The following WWOX variants were observed in gnomAD, a reference collection of about 807,000 sequenced individuals.
WWOX encodes WW domain-containing oxidoreductase.
A neutral mutation model predicts 46.2 loss-of-function variants in WWOX; 69 were observed. The observed-to-expected ratio is 1.49, with a 90% CI of 1.23 to 1.82. The LOEUF is 1.82. WWOX is among the 40% of genes most tolerant of loss of function. The probability of loss-of-function intolerance (pLI) is 0.00; values close to 1 mark genes in which losing one functional copy is unlikely to be tolerated. For synonymous variants in WWOX, 359 were observed against 202.6 expected, an observed-to-expected ratio of 1.77 and a Z score of -6.56; for missense variants, 919 against 542.6, an observed-to-expected ratio of 1.69 and a Z score of -6.89.
intron 8 of WWOX, among the ~76,000 whole-genome samples, chr16:78,452,635 C>T (rs895813673): frequency 2.6e-5 from 4 of 151,646 alleles, no homozygotes; most frequent in African/African-American, 9.7e-5. Flanking sequence ...ACTACCACAC[C>T]TGGCTAATTA....
At chr16:78,760,787 C>G (rs144540687) in intron 8 of WWOX, among the ~76,000 whole-genome samples, 235 of 152,270 alleles carry the variant, frequency 1.5e-3, no homozygotes, top group African/African-American at 5.4e-3. Context: ...TGTTTTCACT[C>G]TGCTGATAAA....
At chr16:78,853,014 C>T (rs541999561) in intron 8 of WWOX, among the ~76,000 whole-genome samples, 7 of 152,234 alleles carry the variant, frequency 4.6e-5, no homozygotes, top group East Asian at 3.9e-4. Context: ...CGGGGTCATA[C>T]AGATAATTAG....
In WWOX at chr16:78,615,899, C is replaced by T. The variant is rs528021525; in HGVS notation, c.1056+183147C>T. 1.8e-4 allele frequency among the ~76,000 whole-genome samples: 27 copies of T among 152,018 alleles called. No homozygotes were observed. The South Asian group carries it at 2.7e-3, about 15-fold the overall frequency. ...CCGAGTAGTTGGGACTACAGGCGCC[C>T]GCCACCACACTCAGCTAATTTTTTG... On this transcript the variant is annotated intron_variant, in intron 8 of 8. Transcript: ENST00000566780.
intron 8 of WWOX, among the ~76,000 whole-genome samples, chr16:78,929,871 CAGT>C (rs2045580668): frequency 6.6e-6 from 1 of 152,080 alleles, no homozygotes; most frequent in Admixed American, 6.6e-5. Context: ...CCTTTTTACC[CAGT>C]ATCTAGCCCA....
At chr16:78,693,553 A>G (rs896574873) in intron 8 of WWOX, among the ~76,000 whole-genome samples, 3 of 152,246 alleles carry the variant, frequency 2.0e-5, no homozygotes, top group Non-Finnish European at 4.4e-5. Context: ...AAATAGTCAT[A>G]GAGTAGTATT....
At chr16:79,141,402 A>G (rs1341257915) in intron 8 of WWOX, among the ~76,000 whole-genome samples, 1 of 152,188 alleles carries the variant, frequency 6.6e-6, no homozygotes, top group Non-Finnish European at 1.5e-5. Context: ...AGGCTGTGTC[A>G]CAGGTGCACA....
At chr16:78,797,765 A>T (rs546418752) in intron 8 of WWOX, among the ~76,000 whole-genome samples, 4 of 152,284 alleles carry the variant, frequency 2.6e-5, no homozygotes, top group African/African-American at 7.2e-5. Flanking sequence ...AGGCAGGAGG[A>T]TCTCTTGAGG....
chr16:79,183,934 C>G (rs2050962887), intron 8 of WWOX, among the ~76,000 whole-genome samples: 1 of 152,208 alleles, frequency 6.6e-6, no homozygotes, highest in South Asian at 2.1e-4. Context: ...TCAGATGACT[C>G]CAGAAGAAAA....
Position 78,255,500 on chromosome 16 carries a change from C to T in WWOX, c.516+91211C>T, listed in dbSNP as rs2038103907. ...GAAGTCATAGCAAAGAGAGAGGTAG[C>T]TGCAAAAGCTAATTTATCCAAAAGA... On this transcript the variant is annotated intron_variant, in intron 5 of 8. Coordinates refer to ENST00000566780, the MANE Select transcript of WWOX (RefSeq NM_016373.4). Among the ~76,000 whole-genome samples, 3 of 152,290 alleles carry T rather than the reference C, an allele frequency of 2.0e-5. No homozygotes were observed. The Middle Eastern group carries it at 0.01, about 518-fold the overall frequency.
At chr16:78,188,887 C>T (rs566862308) in intron 5 of WWOX, among the ~76,000 whole-genome samples, 15 of 152,120 alleles carry the variant, frequency 9.9e-5, no homozygotes, top group African/African-American at 3.1e-4. Flanking sequence ...ATTTGACTAA[C>T]AGAAAAGATT....
chr16:78,108,284 T>C, intron 1 of WWOX, 139 bp from the exon 2 acceptor site: 1 of 826,900 alleles, frequency 1.2e-6, no homozygotes. Flanking sequence ...GTAGCTGGGG[T>C]CACAGTCCTC....
intron 8 of WWOX, among the ~76,000 whole-genome samples, chr16:78,659,639 A>G (rs1242603934): frequency 6.6e-6 from 1 of 152,228 alleles, no homozygotes; most frequent in Non-Finnish European, 1.5e-5. Flanking sequence ...CTCTGCCTCC[A>G]TCGGAGCGAG....
intron 8 of WWOX, among the ~76,000 whole-genome samples, chr16:78,538,425 T>A (rs566837607): frequency 5.6e-4 from 86 of 152,288 alleles, no homozygotes; most frequent in South Asian, 2.7e-3. Context: ...AGTTGAGGCC[T>A]GGTGTATGCA....
At chr16:79,177,988 G>T (rs894710583) in intron 8 of WWOX, among the ~76,000 whole-genome samples, 20 of 152,148 alleles carry the variant, frequency 1.3e-4, no homozygotes, top group African/African-American at 9.7e-5. Flanking sequence ...GCTCATAGAT[G>T]ATGACTTCTT....
In WWOX at chr16:78,283,417, C is replaced by T. The variant is rs965405424; in HGVS notation, c.517-103443C>T. Reference sequence around the variant, plus strand: ...TTTCCACTCTGTGACCTATTTACTTCGATGGAGTCATTTTCAAATAACTTT... The same window carrying T: ...TTTCCACTCTGTGACCTATTTACTTTGATGGAGTCATTTTCAAATAACTTT... On this transcript the variant is annotated intron_variant, in intron 5 of 8. Coordinates refer to ENST00000566780, the MANE Select transcript of WWOX (RefSeq NM_016373.4). 3.3e-5 allele frequency among the ~76,000 whole-genome samples: 5 copies of T among 152,236 alleles called. No individual in the cohort carries two copies. The East Asian group carries it at 7.7e-4, about 24-fold the overall frequency.
intron 8 of WWOX, chr16:78,825,426 T>C: frequency 3.0e-6 from 1 of 331,286 alleles, no homozygotes; most frequent in Non-Finnish European, 6.1e-6. Flanking sequence ...CAGTAACAAA[T>C]ATCTTAGCCA....
At chr16:78,266,479 C>T (rs1207211253) in intron 5 of WWOX, among the ~76,000 whole-genome samples, 1 of 152,180 alleles carries the variant, frequency 6.6e-6, no homozygotes, top group Admixed American at 6.5e-5. Context: ...CTACTATCAT[C>T]TCCACGTCTG....
chr16:78,795,876 CT>C (rs1334103451), intron 8 of WWOX, among the ~76,000 whole-genome samples: 1 of 151,960 alleles, frequency 6.6e-6, no homozygotes, highest in African/African-American at 2.4e-5. Context: ...TAGATGTTGG[CT>C]TTTATTACTG....
intron 5 of WWOX, among the ~76,000 whole-genome samples, chr16:78,317,634 G>C (rs1349626418): frequency 6.6e-6 from 1 of 152,112 alleles, no homozygotes; most frequent in Non-Finnish European, 1.5e-5. Context: ...GAAAAATCTG[G>C]TGTTTTTTCG....
Sources: allele counts gnomAD v4.1 joint callset (sites outside exome capture counted in the v4.1 genomes callset), GRCh38; gene constraint gnomAD v4.1.1; transcripts MANE v1.5; gene names NCBI Gene and HGNC (gene_info 2026-07-23, HGNC 2026-07-21).